Variants in PCDHGA2 observed in about 807,000 individuals in gnomAD.
PCDHGA2 encodes the protein protocadherin gamma subfamily A, 2.
Under a neutral mutation model 59.2 loss-of-function variants are expected in PCDHGA2, and 40 were observed. The observed-to-expected ratio is 0.68, with a 90% CI of 0.52 to 0.88. The LOEUF is 0.88. Among genes scored for constraint, PCDHGA2 ranks in the 40% least tolerant of loss-of-function variants. The pLI, the probability that PCDHGA2 is intolerant of heterozygous loss-of-function variation, is 0.00. For missense variants in PCDHGA2, 1,226 were observed against 1,204.0 expected (o/e 1.02, Z -0.27); for synonymous variants, 560 against 526.0 (o/e 1.06, Z -0.89).
chr5:141,368,384 C>A (rs1263453291), intron 1 of PCDHGA2, among the ~76,000 whole-genome samples: 1 of 151,986 alleles, frequency 6.6e-6, no homozygotes, highest in Non-Finnish European at 1.5e-5. Context: ...TACACACATA[C>A]ACACACACAA....
chr5:141,405,822 T>C (rs1055689569), intron 1 of PCDHGA2, among the ~76,000 whole-genome samples: 2 of 151,888 alleles, frequency 1.3e-5, no homozygotes, highest in African/African-American at 4.8e-5. Flanking sequence ...CTGTCTGTAC[T>C]TAAGGTAGTA....
intron 1 of PCDHGA2, chr5:141,388,450 G>GATGGCAA: frequency 6.2e-7 from 1 of 1,613,844 alleles, no homozygotes; most frequent in Non-Finnish European, 8.5e-7. Flanking sequence ...TCAGATGGCA[G>GATGGCAA]TAAATACCCT....
intron 1 of PCDHGA2, chr5:141,394,242 CACGACCCCG>C (rs1450725417): frequency 1.2e-6 from 2 of 1,613,838 alleles, no homozygotes; most frequent in Non-Finnish European, 1.7e-6. Flanking sequence ...CTTGACTGCA[CACGACCCCG>C]ACAGCCAGGA....
chr5:141,381,177 C>T (rs935775632), intron 1 of PCDHGA2, among the ~76,000 whole-genome samples: 3 of 152,214 alleles, frequency 2.0e-5, no homozygotes, highest in Admixed American at 6.5e-5. Context: ...TCCCACAAAA[C>T]GAAGTTAAGC....
chr5:141,481,877 G>A (rs535267598), intron 1 of PCDHGA2, among the ~76,000 whole-genome samples: 4 of 144,402 alleles, frequency 2.8e-5, no homozygotes, highest in African/African-American at 7.8e-5. Context: ...TCGCGCCACT[G>A]CACTCCAGCC....
At chr5:141,422,201 G>A in intron 1 of PCDHGA2, 1 of 1,562,386 alleles carries the variant, frequency 6.4e-7, no homozygotes, top group Non-Finnish European at 8.6e-7. Context: ...GGCCAAGATG[G>A]TGGAGGTCTC....
chr5:141,365,305 C>A, intron 1 of PCDHGA2: 4 of 1,613,926 alleles, frequency 2.5e-6, no homozygotes, highest in Non-Finnish European at 3.4e-6. Context: ...AGGATGGAGG[C>A]GCTCTTGTTG....
In PCDHGA2 at chr5:141,404,211, T is replaced by C. The variant is rs1423741415; in HGVS notation, c.2424+62816T>C. ...CGAGAAAAAGCCTCAGAATATAATATCACGGTGACTGCAACAGACAGAGGA... is the reference window on the plus strand; with the variant it reads ...CGAGAAAAAGCCTCAGAATATAATACCACGGTGACTGCAACAGACAGAGGA... On this transcript the variant is annotated intron_variant, in intron 1 of 3. Coordinates refer to ENST00000394576, the MANE Select transcript of PCDHGA2 (RefSeq NM_018915.4). 3 of 1,613,606 alleles carry C rather than the reference T, an allele frequency of 1.9e-6. No homozygotes were observed. The Admixed American group carries it at 5.0e-5, about 27-fold the overall frequency.
chr5:141,362,634 TCTTTGTC>T, intron 1 of PCDHGA2: 2 of 1,484,528 alleles, frequency 1.3e-6, no homozygotes, highest in Non-Finnish European at 1.8e-6. Context: ...ACTGCGTATT[TCTTTGTC>T]TGTGAGTTAG....
rs761843990 is a variant in PCDHGA2, at chr5:141,356,810, G to A, written c.2424+15415G>A. The stretch of plus-strand genomic sequence containing the variant: ...CAGCTGCTGATGACAGCCAGTGACA[G>A]TGGAGACCCTCCACTCAGCAGCAAT... On this transcript the variant is annotated intron_variant, in intron 1 of 3. Coordinates refer to ENST00000394576, the MANE Select transcript of PCDHGA2 (RefSeq NM_018915.4). 5.0e-6 allele frequency: 8 copies of A among 1,614,074 alleles called. No individual in the cohort carries two copies. The East Asian group carries it at 1.8e-4, about 36-fold the overall frequency.
chr5:141,434,440 T>C (rs1283641379), intron 1 of PCDHGA2, among the ~76,000 whole-genome samples: 2 of 152,238 alleles, frequency 1.3e-5, no homozygotes, highest in Non-Finnish European at 2.9e-5. Flanking sequence ...GTAATGCCCA[T>C]GCTGGAAGGT....
chr5:141,431,092 G>A lies in PCDHGA2; in HGVS notation c.2425-63715G>A. On this transcript the variant is annotated intron_variant, in intron 1 of 3. Coordinates refer to ENST00000394576, the MANE Select transcript of PCDHGA2 (RefSeq NM_018915.4). This position sits in a 1 kb window ranked among gnomAD's most constrained non-coding sequence, Gnocchi z 4.8. ...AATTAAATCTAGACATTCTGATGGAGGATAAAGTGAAAATATATGGAGTAG... is the reference window on the plus strand; with the variant it reads ...AATTAAATCTAGACATTCTGATGGAAGATAAAGTGAAAATATATGGAGTAG... 1 of 1,614,252 alleles carries A rather than the reference G, an allele frequency of 6.2e-7. No individual in the cohort carries two copies. The highest frequency in any genetic ancestry group is 1.1e-5 in the South Asian group (1 of 91,090).
At chr5:141,438,985 A>G (rs1461265086) in intron 1 of PCDHGA2, among the ~76,000 whole-genome samples, 1 of 151,940 alleles carries the variant, frequency 6.6e-6, no homozygotes, top group Non-Finnish European at 1.5e-5. Context: ...ACTTATCTTA[A>G]AAGGCTAAGG....
At chr5:141,471,046 C>CT (rs1170588345) in intron 1 of PCDHGA2, among the ~76,000 whole-genome samples, 3,156 of 113,234 alleles carry the variant, frequency 0.028, 57 homozygotes, top group African/African-American at 0.046. Context: ...CCCAAGCCCT[C>CT]TTTTTTTTTT....
rs757333940 is a variant in PCDHGA2, at chr5:141,404,777, T to A, written c.2424+63382T>A. The A allele has an allele frequency of 7.4e-6, 12 of 1,613,404 alleles. 1 individual carries two copies. In the South Asian group the frequency reaches 1.3e-4, roughly 18 times the overall value. ...GAATGCTTGGCTCTCCTACCGCCTA[T>A]TCAAGGCCAGTGAGCCAGGGCTCTT... On this transcript the variant is annotated intron_variant, in intron 1 of 3. Transcript: ENST00000394576.
In PCDHGA2 at chr5:141,487,579, A is replaced by G. The variant is rs779441421; in HGVS notation, c.2425-7228A>G. 60 of 1,614,022 alleles carry G rather than the reference A, an allele frequency of 3.7e-5. No homozygotes were observed. The South Asian group carries it at 6.0e-4, about 16-fold the overall frequency. The stretch of plus-strand genomic sequence containing the variant: ...CTATGGCAGGGGAGCCTGTTCGCCC[A>G]AGCTGCCCACCCTCTGATCTTCTCT... On this transcript the variant is annotated intron_variant, in intron 1 of 3. Transcript: ENST00000394576. This position sits in a 1 kb window ranked among gnomAD's most constrained non-coding sequence, Gnocchi z 5.0.
At chr5:141,345,558 T>TC (rs1757596390) in intron 1 of PCDHGA2, 1 of 1,614,102 alleles carries the variant, frequency 6.2e-7, no homozygotes, top group Non-Finnish European at 8.5e-7. Context: ...CTCTATCAAC[T>TC]CCAACACTGG....
Position 141,487,491 on chromosome 5 carries a change from C to T in PCDHGA2, c.2425-7316C>T. ...GTGGGAGGCCACTCTCATGGCTGTA[C>T]ACCCTTGGCTTCTGCACCCACTCGG... is the stretch of plus-strand genomic sequence containing the variant. On this transcript the variant is annotated intron_variant, in intron 1 of 3. Transcript: ENST00000394576. This position sits in a 1 kb window ranked among gnomAD's most constrained non-coding sequence, Gnocchi z 5.0. 6.2e-7 allele frequency: 1 copy of T among 1,614,204 alleles called. No individual in the cohort carries two copies. Among genetic ancestry groups the T allele is most frequent in the Non-Finnish European group, 8.5e-7 (1 of 1,180,034 alleles).
chr5:141,444,722 C>T (rs72790051), intron 1 of PCDHGA2, among the ~76,000 whole-genome samples: 3,290 of 152,024 alleles, frequency 0.022, 51 homozygotes, highest in South Asian at 0.038. Flanking sequence ...TGCTTGGTGC[C>T]TTTGTTGAAA....
Sources: allele counts gnomAD v4.1 joint callset (sites outside exome capture counted in the v4.1 genomes callset), GRCh38; gene constraint gnomAD v4.1.1; non-coding constraint Gnocchi (gnomAD v3.1); transcripts MANE v1.5; gene names NCBI Gene and HGNC (gene_info 2026-07-23, HGNC 2026-07-21).